DACH2: variants seen among roughly 807,000 people sequenced by gnomAD.
DACH2 encodes the protein dachshund family transcription factor 2, also known as dachshund homolog 2.
A neutral mutation model predicts 35.8 loss-of-function variants in DACH2; 17 were observed. The ratio of observed to expected loss-of-function variants is 0.48; its 90% CI spans 0.33 to 0.71. The LOEUF (loss-of-function observed/expected upper bound fraction) is 0.71. Among genes scored for constraint, DACH2 ranks in the 30% least tolerant of loss-of-function variants. The pLI is 0.02. For missense variants in DACH2, 469 were observed against 472.7 expected, an observed-to-expected ratio of 0.99 and a Z score of 0.07; for synonymous variants, 195 against 177.3, an observed-to-expected ratio of 1.10 and a Z score of -0.79.
At chrX:86,201,152 T>C (rs985959250) in intron 1 of DACH2, among the ~76,000 whole-genome samples, 3 of 110,719 alleles carry the variant, frequency 2.7e-5, no homozygotes, top group African/African-American at 9.9e-5. Context: ...TGGCTGGAGC[T>C]GGAGGCCATT....
At chrX:86,706,070 T>G (rs750149727) in intron 5 of DACH2, among the ~76,000 whole-genome samples, 1 of 111,012 alleles carries the variant, frequency 9.0e-6, no homozygotes, top group Admixed American at 9.6e-5. Context: ...CAGAGTGGTA[T>G]AATGGACATT....
chrX:86,286,276 C>T (rs759260119), intron 1 of DACH2, among the ~76,000 whole-genome samples: 38 of 107,300 alleles, frequency 3.5e-4, no homozygotes, highest in South Asian at 2.1e-3. Flanking sequence ...TACAGGCGCC[C>T]GCCACCGCGC....
At position 86,257,893 on chromosome X, in the gene DACH2, G is replaced by C. The variant is rs769083161; in HGVS notation, c.488+108785G>C. The stretch of plus-strand genomic sequence containing the variant: ...CTTTTCTATTCAGGATTCTTGGGAT[G>C]GTGGAATTTGCTCTAGTTAGTTTGG... On this transcript the variant is annotated intron_variant, in intron 1 of 11. Transcript: ENST00000373125. Among the ~76,000 whole-genome samples the C allele has an allele frequency of 4.5e-5, 5 of 111,816 alleles. No homozygotes were observed. In the East Asian group the frequency reaches 8.5e-4, roughly 19 times the overall value.
chrX:86,180,824 C>T (rs760623171), intron 1 of DACH2, among the ~76,000 whole-genome samples: 2 of 111,728 alleles, frequency 1.8e-5, no homozygotes, highest in South Asian at 7.5e-4. Context: ...ACGTATTGAA[C>T]TTTCCAAGGT....
intron 2 of DACH2, among the ~76,000 whole-genome samples, chrX:86,420,613 A>G (rs1479889339): frequency 1.8e-5 from 2 of 111,766 alleles, no homozygotes; most frequent in Non-Finnish European, 3.8e-5. Context: ...TTACGGTATA[A>G]TTACATTACA....
chrX:86,295,042 A>G (rs1488664173), intron 1 of DACH2, among the ~76,000 whole-genome samples: 1 of 112,386 alleles, frequency 8.9e-6, no homozygotes, highest in African/African-American at 3.2e-5. Context: ...TTGCAGTTTG[A>G]TCTTAGACTG....
intron 1 of DACH2, among the ~76,000 whole-genome samples, chrX:86,194,902 T>A (rs908441520): frequency 2.7e-5 from 3 of 112,719 alleles, no homozygotes; most frequent in Non-Finnish European, 5.6e-5. Flanking sequence ...TCCCTTGGTC[T>A]GCTGGCCTCT....
chrX:86,729,920 AT>A lies in DACH2; in HGVS notation c.1105-9818del, dbSNP rs200829323. Reference sequence around the variant, plus strand: ...CAGAACCATGAGCCAATTACATCTCATTTTTTTTTATAAATTACCCAGTATC... The same window carrying A: ...CAGAACCATGAGCCAATTACATCTCATTTTTTTTATAAATTACCCAGTATC... On this transcript the variant is annotated intron_variant, in intron 6 of 11. Transcript: ENST00000373125. 1.7e-3 allele frequency among the ~76,000 whole-genome samples: 183 copies of A among 109,793 alleles called. 1 individual carries two copies. The highest frequency in any genetic ancestry group is 5.8e-3 in the African/African-American group (175 of 30,166).
intron 1 of DACH2, among the ~76,000 whole-genome samples, chrX:86,195,808 G>C (rs1224989194): frequency 9.0e-6 from 1 of 111,499 alleles, no homozygotes; most frequent in African/African-American, 3.3e-5. Context: ...AGAGCACCCA[G>C]TCCAGGAGTT....
At position 86,326,976 on chromosome X, in the gene DACH2, C is replaced by G. The variant is rs186413704; in HGVS notation, c.489-49848C>G. On this transcript the variant is annotated intron_variant, in intron 1 of 11. Transcript: ENST00000373125. ...TCTACTCATGTATTCATTCATTTAA[C>G]AGATATTTTTCAAGAGTTGACTGTG... Among the ~76,000 whole-genome samples the G allele has an allele frequency of 3.1e-4, 35 of 111,764 alleles. No individual in the cohort carries two copies. In the East Asian group the frequency reaches 3.7e-3, roughly 12 times the overall value.
At chrX:86,750,102 T>A (rs1015169798) in intron 7 of DACH2, among the ~76,000 whole-genome samples, 4 of 111,375 alleles carry the variant, frequency 3.6e-5, no homozygotes, top group African/African-American at 1.3e-4. Context: ...TCTTGCCTTA[T>A]TCTGTGGCTA....
At chrX:86,812,138 T>G (rs916868331) in intron 7 of DACH2, among the ~76,000 whole-genome samples, 1 of 111,603 alleles carries the variant, frequency 9.0e-6, no homozygotes, top group Non-Finnish European at 1.9e-5. Flanking sequence ...AATAAACTAC[T>G]GATACCTGCC....
rs925358779 is a variant in DACH2 at position 86,480,185 on chromosome X, G to T, written c.528-34094G>T. 1.7e-4 allele frequency among the ~76,000 whole-genome samples: 19 copies of T among 112,429 alleles called. No homozygotes were observed. In the Admixed American group the frequency reaches 1.8e-3, roughly 11 times the overall value. Reference sequence around the variant, plus strand: ...ATTAAAGCCATATCTACATCAAGGGGCATCCCAAGCCCAATAATGCTGTGG... The same window carrying T: ...ATTAAAGCCATATCTACATCAAGGGTCATCCCAAGCCCAATAATGCTGTGG... On this transcript the variant is annotated intron_variant, in intron 2 of 11. Coordinates refer to ENST00000373125, the MANE Select transcript of DACH2 (RefSeq NM_053281.3).
At position 86,724,079 on chromosome X, in the gene DACH2, C is replaced by T. The variant is rs183225858; in HGVS notation, c.1104+9359C>T. 1.6e-4 allele frequency among the ~76,000 whole-genome samples: 18 copies of T among 111,482 alleles called. No homozygotes were observed. In the East Asian group the frequency reaches 4.8e-3, roughly 30 times the overall value. On this transcript the variant is annotated intron_variant, in intron 6 of 11. Coordinates refer to ENST00000373125, the MANE Select transcript of DACH2 (RefSeq NM_053281.3). ...TTTAATGTATTTCACCCATCTATGT[C>T]TTAAGTGTAGCATTTAATCTACTTA...
intron 2 of DACH2, among the ~76,000 whole-genome samples, chrX:86,400,834 AC>A (rs1253653729): frequency 8.9e-6 from 1 of 112,194 alleles, no homozygotes; most frequent in African/African-American, 3.2e-5. Context: ...TCAGGGACCC[AC>A]TTGAGGAGGC....
chrX:86,409,117 T>C (rs1311290054), intron 2 of DACH2, among the ~76,000 whole-genome samples: 3 of 111,434 alleles, frequency 2.7e-5, no homozygotes, highest in Non-Finnish European at 5.7e-5. Flanking sequence ...GTAGAGAGAA[T>C]TAATCATCAC....
chrX:86,149,796 G>A (rs771677208), intron 1 of DACH2, among the ~76,000 whole-genome samples: 2 of 112,472 alleles, frequency 1.8e-5, no homozygotes, highest in South Asian at 3.7e-4. Flanking sequence ...AAAGGACGAC[G>A]ACAAATATCA....
At chrX:86,731,215 C>G (rs1432793346) in intron 6 of DACH2, among the ~76,000 whole-genome samples, 1 of 111,468 alleles carries the variant, frequency 9.0e-6, no homozygotes, top group African/African-American at 3.2e-5. Flanking sequence ...CCAAACAAAT[C>G]AAAATAAGAA....
At chrX:86,390,867 G>A (rs1039127445) in intron 2 of DACH2, among the ~76,000 whole-genome samples, 2 of 110,958 alleles carry the variant, frequency 1.8e-5, no homozygotes, top group Admixed American at 1.9e-4. Context: ...TGGGATTACG[G>A]ATGTGAGCCA....
Sources: allele counts gnomAD v4.1 joint callset (sites outside exome capture counted in the v4.1 genomes callset), GRCh38; gene constraint gnomAD v4.1.1; transcripts MANE v1.5; gene names NCBI Gene and HGNC (gene_info 2026-07-23, HGNC 2026-07-21).